The following ABCA10 variants were observed in gnomAD, a reference collection of about 807,000 sequenced individuals.
ABCA10 encodes ATP-binding cassette sub-family A member 10.
Under a neutral mutation model 187.5 loss-of-function variants are expected in ABCA10, and 169 were observed. The ratio of observed to expected loss-of-function variants is 0.90; its 90% confidence interval spans 0.80 to 1.02. ABCA10 has a LOEUF of 1.02. Among genes scored for constraint, ABCA10 ranks in the 50% least tolerant of loss-of-function variants. ABCA10 has a pLI of 0.00. For synonymous variants in ABCA10, 574 were observed against 601.8 expected (o/e 0.95, Z 0.68); for missense variants, 1,727 against 1,812.4 (o/e 0.95, Z 0.86).
chr17:69,155,742 T>C lies in ABCA10; in HGVS notation c.3576+63A>G, dbSNP rs144556359. The stretch of plus-strand genomic sequence containing the variant: ...GCTTTTCAAAATAAAAACCAACATC[T>C]CATCAATTCTAGAGGACAAACTATC... On this transcript the variant is annotated intron_variant, in intron 29 of 38. Transcript: ENST00000690296. 2.1e-3 allele frequency: 3,263 copies of C among 1,532,006 alleles called. 9 individuals carry two copies. The highest frequency in any genetic ancestry group is 2.6e-3 in the Non-Finnish European group (2,992 of 1,141,588). 94.9% of individuals were successfully genotyped at this position (1,532,006 alleles called of 1,614,324 possible).
At chr17:69,243,436 T>C (rs1178668948) in intron 1 of ABCA10, among the ~76,000 whole-genome samples, 1 of 152,176 alleles carries the variant, frequency 6.6e-6, no homozygotes, top group Non-Finnish European at 1.5e-5. Flanking sequence ...CAATAGTAAA[T>C]ATTTGTGTAC....
chr17:69,223,081 A>G (rs1342715075), intron 3 of ABCA10, among the ~76,000 whole-genome samples: 1 of 152,068 alleles, frequency 6.6e-6, no homozygotes, highest in Admixed American at 6.6e-5. Context: ...GGAGGAGAGG[A>G]AGTAGTGGTG....
chr17:69,151,930 T>A, intron 36 of ABCA10, 113 bp downstream of exon 36: 5 of 1,452,610 alleles, frequency 3.4e-6, no homozygotes, highest in Non-Finnish European at 4.6e-6. Context: ...GGTTGTTTTG[T>A]GATGAATAAG....
intron 27 of ABCA10, among the ~76,000 whole-genome samples, chr17:69,160,408 A>C (rs1372733836): frequency 6.6e-6 from 1 of 152,164 alleles, no homozygotes; most frequent in Non-Finnish European, 1.5e-5. Context: ...GGAGATTGAG[A>C]CCATCCTGGC....
chr17:69,190,447 T>C lies in ABCA10; in HGVS notation c.2042A>G (p.Asp681Gly). Residue 681 changes from aspartate to glycine, a missense_variant, in exon 18 of 39, where the codon GAC becomes GGC. Asp to Gly is a moderately conservative substitution (Grantham distance 94). Transcript: ENST00000690296. ...DLYSDLDKCS[D>G]QGIRNYAVSV... ...AACAGCATAATTCCTTATGCCCTGG[T>C]CAGAACACTTATCAAGGTCACTGTA... 1 of 1,582,848 alleles carries C rather than the reference T, an allele frequency of 6.3e-7. No homozygotes were observed. The highest frequency in any genetic ancestry group is 2.3e-5 in the East Asian group (1 of 42,722).
chr17:69,240,916 T>C (rs1397443924), intron 1 of ABCA10, among the ~76,000 whole-genome samples: 1 of 152,230 alleles, frequency 6.6e-6, no homozygotes, highest in Non-Finnish European at 1.5e-5. Context: ...ATTACCTATG[T>C]TTCACTACTG....
In ABCA10 at chr17:69,236,035, C is replaced by G. The variant is rs538550187; in HGVS notation, c.-592-7175G>C. ...TGCTGTATAGGTTTTGTATCCTCAGCTGCATGGGAATAACCATGAGGACAA... is the reference window on the plus strand; with the variant it reads ...TGCTGTATAGGTTTTGTATCCTCAGGTGCATGGGAATAACCATGAGGACAA... On this transcript the variant is annotated intron_variant, in intron 1 of 39. Coordinates refer to the ABCA10 transcript ENST00000269081. Among the ~76,000 whole-genome samples, 106 of 152,230 alleles carry G rather than the reference C, an allele frequency of 7.0e-4. 1 individual carries two copies. Among genetic ancestry groups the G allele is most frequent in the African/African-American group, 2.4e-3 (100 of 41,520 alleles).
chr17:69,187,244 CCAT>C (rs1395863757), intron 19 of ABCA10, among the ~76,000 whole-genome samples: 1 of 152,140 alleles, frequency 6.6e-6, no homozygotes, highest in African/African-American at 2.4e-5. Context: ...TGAATTTCCA[CCAT>C]ATATTTCATA....
In ABCA10 at chr17:69,197,089, C is replaced by G; in HGVS notation, c.1209G>C (p.Lys403Asn). 6.3e-7 allele frequency: 1 copy of G among 1,596,486 alleles called. No homozygotes were observed. Among genetic ancestry groups the G allele is most frequent in the Non-Finnish European group, 8.6e-7 (1 of 1,168,176 alleles). Reference sequence around the variant, plus strand: ...CTTGCAATGCTTCTACTTTTCCAGTCTTTCCATTATATTCTTTTATAACAT... The same window carrying G: ...CTTGCAATGCTTCTACTTTTCCAGTGTTTCCATTATATTCTTTTATAACAT... ...IRNVIKEYNG[K>N]TGKVEALQGI... Residue 403 changes from lysine (K) to asparagine (N), a missense_variant, in exon 11 of 39, where the codon AAG (lysine) becomes AAC (asparagine). Transcript: ENST00000690296.
At chr17:69,217,596 T>C (rs910238618) in intron 6 of ABCA10, among the ~76,000 whole-genome samples, 2 of 152,126 alleles carry the variant, frequency 1.3e-5, no homozygotes, top group South Asian at 2.1e-4. Flanking sequence ...AAACAAGCTA[T>C]TGATAAATGA....
chr17:69,210,081 T>TTTA (rs140000472), intron 9 of ABCA10, among the ~76,000 whole-genome samples: 22,686 of 146,728 alleles, frequency 0.15, 2,079 homozygotes, highest in East Asian at 0.47. Context: ...ATGCTATTAC[T>TTTA]TTATTATTAT....
chr17:69,194,036 A>C, intron 12 of ABCA10, 47 bp from the exon 13 acceptor site: 1 of 1,465,648 alleles, frequency 6.8e-7, no homozygotes, highest in East Asian at 2.3e-5. Context: ...TGTTAATTCT[A>C]TGCAGAGTGA....
chr17:69,149,312 C>A, intron 37 of ABCA10: 1 of 517,312 alleles, frequency 1.9e-6, no homozygotes, highest in Admixed American at 3.3e-5. Flanking sequence ...CTCCTTGTGT[C>A]CTATTTTAGT....
Position 69,187,749 on chromosome 17 carries a change from T to TC in ABCA10, c.2261dup (p.Gln755ThrfsTer16). 6.2e-7 allele frequency: 1 copy of TC among 1,613,954 alleles called. No homozygotes were observed. Among genetic ancestry groups the TC allele is most frequent in the Non-Finnish European group, 8.5e-7 (1 of 1,179,816 alleles). ...GAAGTGTTGCCACTGCATAGATTTG[T>TC]CGTCTCCAGAGAGCTGCACTACTGA... is the stretch of plus-strand genomic sequence containing the variant. On this transcript the variant is annotated frameshift_variant, in exon 19 of 39. Transcript: ENST00000690296.
intron 10 of ABCA10, among the ~76,000 whole-genome samples, chr17:69,201,218 T>C (rs1320910106): frequency 6.6e-6 from 1 of 152,080 alleles, no homozygotes; most frequent in Non-Finnish European, 1.5e-5. Context: ...AACATAGCCA[T>C]GTGTGTGTTA....
At chr17:69,201,804 TGA>T in intron 9 of ABCA10, 136 bp from the exon 10 acceptor site, 1 of 768,558 alleles carries the variant, frequency 1.3e-6, no homozygotes, top group Non-Finnish European at 1.9e-6. Flanking sequence ...TTTTTTTTTT[TGA>T]GACAGTCACG....
chr17:69,235,785 A>C (rs2144864846), intron 1 of ABCA10, among the ~76,000 whole-genome samples: 1 of 152,156 alleles, frequency 6.6e-6, no homozygotes, highest in South Asian at 2.1e-4. Context: ...AAAAAAAGAA[A>C]ACAAAAAAAA....
chr17:69,186,824 T>G (rs932326608), intron 19 of ABCA10, among the ~76,000 whole-genome samples: 6 of 152,186 alleles, frequency 3.9e-5, no homozygotes, highest in Non-Finnish European at 8.8e-5. Context: ...GTTATTTAGT[T>G]TTATATTCAG....
intron 1 of ABCA10, among the ~76,000 whole-genome samples, chr17:69,237,398 T>A (rs753100358): frequency 7.2e-5 from 11 of 152,196 alleles, no homozygotes; most frequent in Non-Finnish European, 1.6e-4. Context: ...ATCTGGTTAA[T>A]CTACTCAACT....
Sources: gnomAD v4.1 joint callset for allele counts (sites outside exome capture counted in the v4.1 genomes callset) on GRCh38, gnomAD v4.1.1 for gene constraint, MANE v1.5 for transcripts, NCBI Gene and HGNC (gene_info 2026-07-23, HGNC 2026-07-21) for gene names.